The following KMT2D variants were observed in gnomAD, a reference collection of about 807,000 sequenced individuals.
KMT2D encodes the protein histone-lysine N-methyltransferase 2D.
A neutral mutation model predicts 512.7 loss-of-function variants in KMT2D; 55 were observed. That is an observed-to-expected ratio of 0.11 (90% CI 0.09 to 0.13). KMT2D has a LOEUF of 0.13. Among genes scored for constraint, KMT2D ranks in the 10% least tolerant of loss-of-function variants. The pLI, the probability that KMT2D is intolerant of heterozygous loss-of-function variation, is 1.00. For missense variants in KMT2D, 6,061 were observed against 7,127.9 expected, an observed-to-expected ratio of 0.85 and a Z score of 5.39; for synonymous variants, 2,995 against 2,904.0, an observed-to-expected ratio of 1.03 and a Z score of -1.01.
intron 13 of KMT2D, 69 bp downstream of exon 13, chr12:49,049,036 G>A (rs761807959): frequency 2.0e-6 from 2 of 981,748 alleles, no homozygotes; most frequent in Non-Finnish European, 3.2e-6. Context: ...AGCATGCAAG[G>A]GACTGGCAGG....
rs1942987503 is a variant in KMT2D, at chr12:49,032,724, T to C, written c.11981A>G (p.Gln3994Arg). 1 of 1,606,536 alleles carries C rather than the reference T, an allele frequency of 6.2e-7. No homozygotes were observed. The highest frequency in any genetic ancestry group is 1.7e-5 in the Admixed American group (1 of 58,492). ...TGGCATGCCAGGGCCAAGTGCCACTTGCTGCTGCTGTTGTTGCTGAGGAGA... is the reference window on the plus strand; with the variant it reads ...TGGCATGCCAGGGCCAAGTGCCACTCGCTGCTGCTGTTGTTGCTGAGGAGA... Reference protein sequence around the residue: ...LLSPQQQQQQQVALGPGMPAK... With the variant: ...LLSPQQQQQQRVALGPGMPAK... Residue 3994 changes from glutamine to arginine, a missense_variant, in exon 40 of 55, where the codon CAA becomes CGA. By Grantham distance (43) the Gln-to-Arg change is conservative. Transcript: ENST00000301067.
chr12:49,032,386 G>T lies in KMT2D; in HGVS notation c.12319C>A (p.Leu4107Met). ...CTTCCTCCACCTGCTGTGTGGAGCAGGCTAACTTGCTGCTGCTGTTGTCCT... is the reference window on the plus strand; with the variant it reads ...CTTCCTCCACCTGCTGTGTGGAGCATGCTAACTTGCTGCTGCTGTTGTCCT... ...LPGQQQQQVS[L>M]LHTAGGGSHG... Residue 4107 changes from leucine (L) to methionine (M), a missense_variant, in exon 40 of 55, where the codon CTG (leucine) becomes ATG (methionine). By Grantham distance (15) the Leu-to-Met change is conservative (BLOSUM62 2). Coordinates refer to ENST00000301067, the MANE Select transcript of KMT2D (RefSeq NM_003482.4). 2 of 1,608,598 alleles carry T rather than the reference G, an allele frequency of 1.2e-6. No homozygotes were observed. The highest frequency in any genetic ancestry group is 1.7e-6 in the Non-Finnish European group (2 of 1,177,490).
rs2137711652 is a variant in KMT2D, at chr12:49,024,862, C to A, written c.15869G>T (p.Gly5290Val). 6.2e-7 allele frequency: 1 copy of A among 1,611,194 alleles called. No individual in the cohort carries two copies. ...MLRLFPEYLK[G>V]EELFGLTVHA... is the part of the protein sequence containing the mutation. Reference sequence around the variant, plus strand: ...CACCGTCAGCCCAAAGAGCTCCTCGCCCTTCAGATACTCAGGGAAGAGTCG... The same window carrying A: ...CACCGTCAGCCCAAAGAGCTCCTCGACCTTCAGATACTCAGGGAAGAGTCG... Residue 5290 changes from glycine (G) to valine (V), a missense_variant, in exon 50 of 55, where the codon GGC (glycine) becomes GTC (valine). Around this residue, in one of 16 missense-constraint regions of KMT2D, gnomAD observed 261 missense variants for 440.7 expected, o/e 0.59. Transcript: ENST00000301067. This position sits in a 1 kb window ranked among gnomAD's most constrained non-coding sequence, Gnocchi z 4.5.
chr12:49,052,526 AAG>A, intron 10 of KMT2D, 36 bp downstream of exon 10: 1 of 1,606,516 alleles, frequency 6.2e-7, no homozygotes, highest in Non-Finnish European at 8.5e-7. Flanking sequence ...CATAGAATAA[AAG>A]GGGATGAATT....
At position 49,022,779 on chromosome 12, in the gene KMT2D, G is replaced by A. The variant is rs2137707360; in HGVS notation, c.16149C>T (p.Ser5383=). The A allele has an allele frequency of 6.2e-7, 1 of 1,614,022 alleles. No homozygotes were observed. Among genetic ancestry groups the A allele is most frequent in the South Asian group, 1.1e-5 (1 of 91,088 alleles). ...NTPYSKQFVH[S]KSSQYRRLRT... is the part of the protein sequence containing the mutation. ...GCAGCCGCCGGTACTGAGATGACTT[G>A]GAGTGCACAAACTGCTTGCTGTAGG... The change falls in exon 52 of 55, where the codon TCC becomes TCT. Residue 5383 remains serine (S), a synonymous_variant. Transcript: ENST00000301067. The surrounding 1 kb of genome is among the most constrained non-coding windows in gnomAD (Gnocchi z 8.6).
Position 49,039,362 on chromosome 12 carries a change from G to A in KMT2D, c.8230-4C>T, listed in dbSNP as rs540516528. 4.3e-6 allele frequency: 7 copies of A among 1,612,142 alleles called. No homozygotes were observed. ...ACCCCACAAGGCTGCTCTTGTCCTA[G>A]AAGAGACAAGGTAGATGAAGGTGGA... On this transcript the variant is annotated splice_region_variant and splice_polypyrimidine_tract_variant and intron_variant, in intron 33 of 54. Coordinates refer to ENST00000301067, the MANE Select transcript of KMT2D (RefSeq NM_003482.4). The surrounding 1 kb of genome is among the most constrained non-coding windows in gnomAD (Gnocchi z 5.0).
Position 49,046,559 on chromosome 12 carries a change from T to G in KMT2D, c.4418+50A>C, listed in dbSNP as rs1943793826. 1.3e-6 allele frequency: 2 copies of G among 1,582,416 alleles called. No homozygotes were observed. The highest frequency in any genetic ancestry group is 1.7e-6 in the Non-Finnish European group (2 of 1,160,422). On this transcript the variant is annotated intron_variant, in intron 16 of 54. Transcript: ENST00000301067. This position sits in a 1 kb window ranked among gnomAD's most constrained non-coding sequence, Gnocchi z 4.2. ...GTCACATACTCAACATCATATCCAC[T>G]TTAACATCTCAAGGCCCCAGGGCTC...
At position 49,053,648 on chromosome 12, in the gene KMT2D, G is replaced by T. The variant is rs1251026434; in HGVS notation, c.674-7C>A. 1.3e-6 allele frequency: 2 copies of T among 1,588,296 alleles called. No homozygotes were observed. Among genetic ancestry groups the T allele is most frequent in the Non-Finnish European group, 1.7e-6 (2 of 1,167,674 alleles). ...ACTGCACAGCGAGCCTCCTCTGCAG[G>T]GGGTAGAGACACCACAGGTCAGCTA... On this transcript the variant is annotated splice_polypyrimidine_tract_variant and splice_region_variant and intron_variant, in intron 6 of 54. Coordinates refer to ENST00000301067, the MANE Select transcript of KMT2D (RefSeq NM_003482.4).
At position 49,042,614 on chromosome 12, in the gene KMT2D, G is replaced by A. The variant is rs1420055300; in HGVS notation, c.5814C>T (p.Ser1938=). The A allele has an allele frequency of 1.9e-6, 3 of 1,613,664 alleles. No homozygotes were observed. The Admixed American group carries it at 5.0e-5, about 27-fold the overall frequency. ...GGLPLGNLPS[S]SPMDSYPGLC... ...GGCCTGGGTAGGAGTCCATTGGGCT[G>A]CTGGAGGGCAGATTGCCCAAAGGGA... The change falls in exon 28 of 55, where the codon AGC becomes AGT. Residue 1938 remains serine (S), a synonymous_variant. Coordinates refer to ENST00000301067, the MANE Select transcript of KMT2D (RefSeq NM_003482.4). This position sits in a 1 kb window ranked among gnomAD's most constrained non-coding sequence, Gnocchi z 4.4.
rs766114622 is a variant in KMT2D, at chr12:49,040,133, G to C, written c.7637C>G (p.Ser2546Cys). The C allele has an allele frequency of 6.2e-6, 10 of 1,613,892 alleles. No individual in the cohort carries two copies. The highest frequency in any genetic ancestry group is 8.5e-6 in the Non-Finnish European group (10 of 1,179,846). Residue 2546 changes from serine (S) to cysteine (C), a missense_variant, in exon 32 of 55, where the codon TCC becomes TGC. By Grantham distance (112) the Ser-to-Cys change is moderately radical. Coordinates refer to ENST00000301067, the MANE Select transcript of KMT2D (RefSeq NM_003482.4). ...AGGCTGAGGGACAGGGGGCTTTAGG[G>C]AAGGCTCCCCTACTGCCTGAGGGAA... ...FTFPQAVGEP[S>C]LKPPVPQPGL...
rs2120684586 is a variant in KMT2D at position 49,052,283 on chromosome 12, A to G, written c.1400T>C (p.Leu467Pro). The change falls in exon 11 of 55, where the codon CTG (leucine) becomes CCG (proline). Residue 467 changes from leucine to proline, a missense_variant. By Grantham distance (98) the Leu-to-Pro change is moderately conservative. Coordinates refer to ENST00000301067, the MANE Select transcript of KMT2D (RefSeq NM_003482.4). The stretch of plus-strand genomic sequence containing the variant: ...GGGCAATTCCTCAGGTGGTGGTGAC[A>G]GGCGTGATGCCTCAGGTGGTGGGGA... Reference protein sequence around the residue: ...PTSPPPEASRLSPPPEELPAS... With the variant: ...PTSPPPEASRPSPPPEELPAS... The G allele has an allele frequency of 1.9e-6, 3 of 1,602,726 alleles. No homozygotes were observed. Among genetic ancestry groups the G allele is most frequent in the Non-Finnish European group, 2.6e-6 (3 of 1,173,740 alleles).
At position 49,044,867 on chromosome 12, in the gene KMT2D, G is replaced by A. The variant is rs375118713; in HGVS notation, c.4840C>T (p.Arg1614Trp). 2.5e-6 allele frequency: 4 copies of A among 1,614,074 alleles called. No homozygotes were observed. Among genetic ancestry groups the A allele is most frequent in the South Asian group, 1.1e-5 (1 of 91,092 alleles). The change falls in exon 20 of 55, where the codon CGG becomes TGG. Residue 1614 changes from arginine to tryptophan, a missense_variant. Coordinates refer to ENST00000301067, the MANE Select transcript of KMT2D (RefSeq NM_003482.4). This position sits in a 1 kb window ranked among gnomAD's most constrained non-coding sequence, Gnocchi z 6.4. Reference protein sequence around the residue: ...TMSPLHKRRQRRGRLGLPGEA... With the variant: ...TMSPLHKRRQWRGRLGLPGEA... Reference sequence around the variant, plus strand: ...CCTGGGAGGCCAAGCCGTCCTCGCCGTTGGCGCCGCTTGTGCAGTGGTGAC... The same window carrying A: ...CCTGGGAGGCCAAGCCGTCCTCGCCATTGGCGCCGCTTGTGCAGTGGTGAC...
Position 49,024,648 on chromosome 12 carries a change from C to G in KMT2D, c.15982G>C (p.Glu5328Gln), listed in dbSNP as rs2137710619. 1 of 1,613,892 alleles carries G rather than the reference C, an allele frequency of 6.2e-7. No individual in the cohort carries two copies. Among genetic ancestry groups the G allele is most frequent in the Non-Finnish European group, 8.5e-7 (1 of 1,179,850 alleles). ...GTGGGGTTGATCATGAGTGGCAGCT[C>G]CATAAGGGGGTGGCGCCCATAGCGG... ...LFRYGRHPLM[E>Q]LPLMINPTGC... Residue 5328 changes from glutamate to glutamine, a missense_variant, in exon 51 of 55, where the codon GAG becomes CAG. This residue lies in a region of KMT2D where 261 missense variants were observed against 440.7 expected (regional missense o/e 0.59). Coordinates refer to ENST00000301067, the MANE Select transcript of KMT2D (RefSeq NM_003482.4). This position sits in a 1 kb window ranked among gnomAD's most constrained non-coding sequence, Gnocchi z 4.5.
At position 49,022,112 on chromosome 12, in the gene KMT2D, T is replaced by C; in HGVS notation, c.16452A>G (p.Glu5484=). The stretch of plus-strand genomic sequence containing the variant: ...TGTCCTCTTTGTCAAATGTCACGAC[T>C]TCGGCCACACAGTTAGGGGCACAGG... ...NHSCAPNCVA[E]VVTFDKEDKI... The change falls in exon 54 of 55, where the codon GAA becomes GAG. Residue 5484 remains glutamate (E), a synonymous_variant. Coordinates refer to ENST00000301067, the MANE Select transcript of KMT2D (RefSeq NM_003482.4). The surrounding 1 kb of genome is among the most constrained non-coding windows in gnomAD (Gnocchi z 8.6). 1 of 1,614,000 alleles carries C rather than the reference T, an allele frequency of 6.2e-7. No individual in the cohort carries two copies. The highest frequency in any genetic ancestry group is 8.5e-7 in the Non-Finnish European group (1 of 1,179,892).
In KMT2D at chr12:49,040,617, G is replaced by A. The variant is rs1943466987; in HGVS notation, c.7153C>T (p.Pro2385Ser). Residue 2385 changes from proline (P) to serine (S), a missense_variant, in exon 32 of 55, where the codon CCT becomes TCT. By Grantham distance (74) the Pro-to-Ser change is moderately conservative. Transcript: ENST00000301067. ...TDPYAQPPLT[P>S]RPQPPPPESC... ...TCAGGGGGCGGAGGTTGGGGCCGAG[G>A]AGTCAATGGGGGCTGAGCATATGGG... is the stretch of plus-strand genomic sequence containing the variant. The A allele has an allele frequency of 1.9e-6, 3 of 1,613,490 alleles. No individual in the cohort carries two copies. Among genetic ancestry groups the A allele is most frequent in the Non-Finnish European group, 1.7e-6 (2 of 1,179,612 alleles).
In KMT2D at chr12:49,040,223, G is replaced by C. The variant is rs752647909; in HGVS notation, c.7547C>G (p.Pro2516Arg). The C allele has an allele frequency of 3.7e-6, 6 of 1,613,012 alleles. No homozygotes were observed. The highest frequency in any genetic ancestry group is 5.1e-6 in the Non-Finnish European group (6 of 1,179,632). Residue 2516 changes from proline to arginine, a missense_variant, in exon 32 of 55, where the codon CCC becomes CGC. Coordinates refer to ENST00000301067, the MANE Select transcript of KMT2D (RefSeq NM_003482.4). Reference sequence around the variant, plus strand: ...CGTCCCAGGGGACCGGACAAAATTGGGGGGCTGCCCACTTGGGACCTTGGC... The same window carrying C: ...CGTCCCAGGGGACCGGACAAAATTGCGGGGCTGCCCACTTGGGACCTTGGC... ...LHAKVPSGQPPNFVRSPGTGA... is the reference protein window; with the variant it reads ...LHAKVPSGQPRNFVRSPGTGA...
chr12:49,027,002 C>T lies in KMT2D; in HGVS notation c.14964G>A (p.Lys4988=). The T allele has an allele frequency of 6.2e-7, 1 of 1,614,080 alleles. No individual in the cohort carries two copies. Residue 4988 remains lysine (K), a synonymous_variant, in exon 49 of 55, where the codon AAG becomes AAA. Transcript: ENST00000301067. ...RLKKWKGVRW[K]RLRLLLTIQK... The stretch of plus-strand genomic sequence containing the variant: ...GGATGGTCAGCAGCAGCCGAAGCCG[C>T]TTCCAGCGCACTCCTTTCCATTTCT...
Position 49,044,145 on chromosome 12 carries a change from C to G in KMT2D, c.5188+55G>C, listed in dbSNP as rs1734650756. On this transcript the variant is annotated intron_variant, in intron 22 of 54. Transcript: ENST00000301067. This position sits in a 1 kb window ranked among gnomAD's most constrained non-coding sequence, Gnocchi z 6.4. Reference sequence around the variant, plus strand: ...TTCAATGAGTCCACCCCCTGGGTCTCTCTAGCATTGCCCCACCTTCTCCCA... The same window carrying G: ...TTCAATGAGTCCACCCCCTGGGTCTGTCTAGCATTGCCCCACCTTCTCCCA... 3 of 1,594,706 alleles carry G rather than the reference C, an allele frequency of 1.9e-6. No individual in the cohort carries two copies. The African/African-American group carries it at 4.0e-5, about 21-fold the overall frequency.
In KMT2D at chr12:49,051,330, C is replaced by T. The variant is rs1466567684; in HGVS notation, c.2353G>A (p.Glu785Lys). ...EEPCLCAVPEEPHLSPQAEGP... is the reference protein window; with the variant it reads ...EEPCLCAVPEKPHLSPQAEGP... ...TCAGCCTGGGGGGACAAGTGTGGCTCCTCAGGCACAGCGCATAGGCATGGC... is the reference window on the plus strand; with the variant it reads ...TCAGCCTGGGGGGACAAGTGTGGCTTCTCAGGCACAGCGCATAGGCATGGC... Residue 785 changes from glutamate (E) to lysine (K), a missense_variant, in exon 11 of 55, where the codon GAG (glutamate) becomes AAG (lysine). Glu to Lys is a moderately conservative substitution (Grantham distance 56). Coordinates refer to ENST00000301067, the MANE Select transcript of KMT2D (RefSeq NM_003482.4). The T allele has an allele frequency of 5.0e-6, 8 of 1,594,256 alleles. No individual in the cohort carries two copies. In the East Asian group the frequency reaches 6.8e-5, roughly 13 times the overall value.
Sources: allele counts gnomAD v4.1 joint callset, GRCh38; gene constraint gnomAD v4.1.1; regional missense constraint gnomAD v4.1.1; non-coding constraint Gnocchi (gnomAD v3.1); transcripts MANE v1.5; gene names NCBI Gene and HGNC (gene_info 2026-07-23, HGNC 2026-07-21).